Variants in IFT74 observed in about 807,000 individuals in gnomAD.
IFT74 encodes the protein intraflagellar transport 74.
A neutral mutation model predicts 96.7 loss-of-function variants in IFT74; 92 were observed. That is an observed-to-expected ratio of 0.95 (90% CI 0.80 to 1.13). IFT74 has a LOEUF of 1.13. Among genes scored for constraint, IFT74 ranks in the 50% most tolerant of loss-of-function variants. The probability of loss-of-function intolerance (pLI) is 0.00; values close to 1 mark genes in which losing one functional copy is unlikely to be tolerated. For synonymous variants in IFT74, 223 were observed against 213.2 expected, an observed-to-expected ratio of 1.05 and a Z score of -0.40; for missense variants, 811 against 698.2, an observed-to-expected ratio of 1.16 and a Z score of -1.82.
At chr9:26,953,831 A>T (rs555676712), upstream of IFT74, among the ~76,000 whole-genome samples, 35 of 152,316 alleles carry the variant, frequency 2.3e-4, no homozygotes, top group African/African-American at 8.4e-4. Flanking sequence ...TTTCTTAAAA[A>T]ACCTACAAAC....
chr9:27,049,192 A>C (rs926060708), intron 16 of IFT74, among the ~76,000 whole-genome samples: 16 of 152,234 alleles, frequency 1.1e-4, no homozygotes, highest in African/African-American at 3.9e-4. Flanking sequence ...AGCCTGTAGA[A>C]CCATTAGCCA....
rs185280793 is a variant in IFT74 at position 27,035,954 on chromosome 9, C to T, written c.1054+6850C>T. On this transcript the variant is annotated intron_variant, in intron 13 of 19. Transcript: ENST00000380062. Reference sequence around the variant, plus strand: ...AAAAATCCATGTATAACTTTTGACTCCATAAAAACTTAATTATCAAAGGTC... The same window carrying T: ...AAAAATCCATGTATAACTTTTGACTTCATAAAAACTTAATTATCAAAGGTC... 3.6e-3 allele frequency among the ~76,000 whole-genome samples: 554 copies of T among 152,208 alleles called. 3 individuals carry two copies. Among genetic ancestry groups the T allele is most frequent in the Non-Finnish European group, 6.7e-3 (458 of 68,014 alleles).
chr9:27,021,991 T>G (rs922518576), intron 12 of IFT74, among the ~76,000 whole-genome samples: 3 of 152,244 alleles, frequency 2.0e-5, no homozygotes, highest in Non-Finnish European at 4.4e-5. Context: ...CTGATTCACC[T>G]TGAATTGATT....
intron 13 of IFT74, among the ~76,000 whole-genome samples, chr9:27,038,512 C>T (rs975397606): frequency 2.6e-5 from 4 of 152,144 alleles, no homozygotes; most frequent in African/African-American, 7.2e-5. Context: ...CTCCTGACCT[C>T]GTGGTCCGCC....
chr9:26,978,555 G>A (rs1827225624), intron 3 of IFT74, among the ~76,000 whole-genome samples: 1 of 152,110 alleles, frequency 6.6e-6, no homozygotes, highest in African/African-American at 2.4e-5. Flanking sequence ...ACAGATATGA[G>A]CTATTTCAGT....
In IFT74 at chr9:26,980,479, G is replaced by A. The variant is rs1055522135; in HGVS notation, c.257-92G>A. The A allele has an allele frequency of 4.0e-5, 32 of 793,386 alleles. No homozygotes were observed. In the East Asian group the frequency reaches 7.7e-4, roughly 19 times the overall value. 49.1% of individuals were successfully genotyped at this position (793,386 alleles called of 1,614,324 possible). A position where few individuals can be genotyped will look rare whatever the true frequency, so the allele number is the denominator to read the frequency against. On this transcript the variant is annotated intron_variant, in intron 3 of 19. Transcript: ENST00000380062. ...GGGGCATTCATGAAGACTGTCTTGA[G>A]AATTGTGGAGTGTAATTCTGATTGT...
chr9:26,964,835 G>A (rs575054650), intron 2 of IFT74, among the ~76,000 whole-genome samples: 5 of 152,178 alleles, frequency 3.3e-5, no homozygotes, highest in Admixed American at 6.5e-5. Context: ...TGATTGCCAC[G>A]GCACCTGGAG....
At chr9:27,029,961 T>C (rs147159178) in intron 13 of IFT74, among the ~76,000 whole-genome samples, 28 of 152,136 alleles carry the variant, frequency 1.8e-4, no homozygotes, top group African/African-American at 1.4e-4. Flanking sequence ...GAAGAACTAA[T>C]GCAGGTACCA....
intron 6 of IFT74, among the ~76,000 whole-genome samples, chr9:26,987,678 C>G (rs1827696369): frequency 6.6e-6 from 1 of 152,168 alleles, no homozygotes; most frequent in African/African-American, 2.4e-5. Flanking sequence ...TGTTCACATT[C>G]TGGCTCTATC....
At chr9:27,002,609 AT>A (rs1828561132) in intron 8 of IFT74, among the ~76,000 whole-genome samples, 1 of 152,224 alleles carries the variant, frequency 6.6e-6, no homozygotes, top group East Asian at 1.9e-4. Flanking sequence ...AAATGTGTGT[AT>A]TTATATCTGA....
chr9:26,947,162 A>C (rs1825761754), intron 1 of IFT74: 1 of 1,222,276 alleles, frequency 8.2e-7, no homozygotes, highest in Non-Finnish European at 1.1e-6. Flanking sequence ...GGGCGGCCGG[A>C]GACCGGAAGA....
At chr9:27,027,533 A>G (rs774162336) in intron 12 of IFT74, among the ~76,000 whole-genome samples, 10 of 152,062 alleles carry the variant, frequency 6.6e-5, no homozygotes, top group Non-Finnish European at 1.3e-4. Context: ...GCGGTGTCTC[A>G]CTATGGTTTT....
intron 2 of IFT74, among the ~76,000 whole-genome samples, chr9:26,968,923 G>A (rs564760005): frequency 2.6e-5 from 4 of 151,748 alleles, no homozygotes; most frequent in South Asian, 2.1e-4. Flanking sequence ...TATTTCTACT[G>A]TGATCTTTAT....
At position 27,011,789 on chromosome 9, in the gene IFT74, A is replaced by T. The variant is rs2131606897; in HGVS notation, c.727-117A>T. ...AGATATTTAGAAAATTTACTTAGTC[A>T]CTTTGAAATGTTGAGAAACAGAGAA... is the stretch of plus-strand genomic sequence containing the variant. On this transcript the variant is annotated intron_variant, in intron 9 of 19. Coordinates refer to ENST00000380062, the MANE Select transcript of IFT74 (RefSeq NM_025103.4). The T allele has an allele frequency of 1.7e-5, 8 of 477,222 alleles. No homozygotes were observed. The East Asian group carries it at 2.8e-4, about 17-fold the overall frequency. The allele number at this position is 477,222 out of a possible 1,614,324, so 29.6% of individuals were successfully genotyped here.
At chr9:26,982,047 G>A (rs1827400056) in intron 4 of IFT74, among the ~76,000 whole-genome samples, 1 of 151,482 alleles carries the variant, frequency 6.6e-6, no homozygotes, top group South Asian at 2.1e-4. Flanking sequence ...GAAATTATAG[G>A]CTGAGCCACC....
At chr9:27,031,772 AAAATAAAATAAATAAAATAAAATG>A (rs1463620728) in intron 13 of IFT74, among the ~76,000 whole-genome samples, 12 of 145,728 alleles carry the variant, frequency 8.2e-5, no homozygotes, top group African/African-American at 3.1e-4. Context: ...AAAATAAAAT[AAAATAAAATAAATAAAATAAAATG>A]TAAAATAAAA....
At chr9:26,958,386 G>T (rs1361549597) in intron 1 of IFT74, among the ~76,000 whole-genome samples, 1 of 152,172 alleles carries the variant, frequency 6.6e-6, no homozygotes, top group Non-Finnish European at 1.5e-5. Context: ...GAAAGTAATA[G>T]GCAAAATGTG....
At chr9:27,056,617 C>T (rs911806574) in intron 18 of IFT74, among the ~76,000 whole-genome samples, 158 bp downstream of exon 18, 5 of 151,964 alleles carry the variant, frequency 3.3e-5, no homozygotes, top group African/African-American at 1.2e-4. Context: ...AATGAATGGA[C>T]TCCTGCTTTC....
At chr9:27,005,366 C>T (rs78143124) in intron 8 of IFT74, among the ~76,000 whole-genome samples, 1 of 105,966 alleles carries the variant, frequency 9.4e-6, no homozygotes, top group Non-Finnish European at 2.0e-5. Flanking sequence ...CCCCCGCCCC[C>T]CGCAAAACAA....
Sources: gnomAD v4.1 joint callset for allele counts (sites outside exome capture counted in the v4.1 genomes callset) on GRCh38, gnomAD v4.1.1 for gene constraint, MANE v1.5 for transcripts, NCBI Gene and HGNC (gene_info 2026-07-23, HGNC 2026-07-21) for gene names.